The following AXIN1 variants were observed in gnomAD, a reference collection of about 807,000 sequenced individuals.
AXIN1 encodes axin 1.
In AXIN1, 30 loss-of-function variants were observed where a neutral mutation model predicts 76.4. The ratio of observed to expected loss-of-function variants is 0.39; its 90% confidence interval spans 0.29 to 0.53. The LOEUF is 0.53. Ranked by LOEUF, AXIN1 falls within the 20% of genes least tolerant of loss-of-function variation. The probability of loss-of-function intolerance (pLI) is 0.66; values close to 1 mark genes in which losing one functional copy is unlikely to be tolerated. For missense variants in AXIN1, 1,140 were observed against 1,198.8 expected (o/e 0.95, Z 0.72); for synonymous variants, 545 against 501.4 (o/e 1.09, Z -1.16).
rs1168217580 is a variant in AXIN1 at position 289,458 on chromosome 16, G to C, written c.2444C>G (p.Thr815Ser). The C allele has an allele frequency of 6.2e-7, 1 of 1,612,884 alleles. No homozygotes were observed. The highest frequency in any genetic ancestry group is 8.5e-7 in the Non-Finnish European group (1 of 1,179,992). The change falls in exon 10 of 11, where the codon ACC (threonine) becomes AGC (serine). Residue 815 changes from threonine to serine, a missense_variant. Physicochemically the swap from Thr to Ser is moderately conservative, Grantham distance 58 (BLOSUM62 1). Transcript: ENST00000262320. ...CACTCACCTGTAGCTGCCCTTTTTG[G>C]TCAGCAGCTCCTTGAACTGGCCCAG... ...VTLGQFKELL[T>S]KKGSYRYYFK...
At chr16:297,265 T>C in intron 6 of AXIN1, 39 bp from the exon 7 acceptor site, 1 of 1,599,844 alleles carries the variant, frequency 6.3e-7, no homozygotes, top group South Asian at 1.1e-5. Context: ...TGGCCTCCGG[T>C]GGCCGAGGCT....
At chr16:341,715 G>A (rs569212430) in intron 2 of AXIN1, among the ~76,000 whole-genome samples, 1 of 152,266 alleles carries the variant, frequency 6.6e-6, no homozygotes, top group Non-Finnish European at 1.5e-5. Context: ...CCTGATTCTG[G>A]TGGGGACGTG....
chr16:303,358 G>C (rs2052927142), intron 5 of AXIN1, among the ~76,000 whole-genome samples: 1 of 152,042 alleles, frequency 6.6e-6, no homozygotes, highest in South Asian at 2.1e-4. Flanking sequence ...AAGCACACTA[G>C]CAGAACTCTG....
Position 288,077 on chromosome 16 carries a change from C to T in AXIN1, c.*45G>A. 6.2e-7 allele frequency: 1 copy of T among 1,612,242 alleles called. No homozygotes were observed. On this transcript the variant is annotated 3_prime_UTR_variant, in exon 11 of 11. Coordinates refer to ENST00000262320, the MANE Select transcript of AXIN1 (RefSeq NM_003502.4). Reference sequence around the variant, plus strand: ...CATCTGCCTGGCCGTGACACCCGTGCCCGCCAAGGGCCTCGCCTGGCACAG... The same window carrying T: ...CATCTGCCTGGCCGTGACACCCGTGTCCGCCAAGGGCCTCGCCTGGCACAG...
intron 5 of AXIN1, among the ~76,000 whole-genome samples, chr16:300,908 T>C (rs2052851839): frequency 6.6e-6 from 1 of 152,228 alleles, no homozygotes; most frequent in African/African-American, 2.4e-5. Flanking sequence ...ATGTTACAGA[T>C]TAACTTAACC....
chr16:346,697 C>G lies in AXIN1; in HGVS notation c.329G>C (p.Gly110Ala), dbSNP rs2141705995. The G allele has an allele frequency of 6.4e-7, 1 of 1,572,074 alleles. No individual in the cohort carries two copies. Among genetic ancestry groups the G allele is most frequent in the Non-Finnish European group, 8.6e-7 (1 of 1,158,714 alleles). ...CCAGAAGTCCAGCAAGTCGGCACAGCCCTCCTGCTTCAGGAAAGTCCTGAA... is the reference window on the plus strand; with the variant it reads ...CCAGAAGTCCAGCAAGTCGGCACAGGCCTCCTGCTTCAGGAAAGTCCTGAA... ...SLFRTFLKQE[G>A]CADLLDFWFA... The change falls in exon 2 of 11, where the codon GGC becomes GCC. Residue 110 changes from glycine to alanine, a missense_variant. This residue lies in a region of AXIN1 where 708 missense variants were observed against 776.9 expected (regional missense o/e 0.91). Coordinates refer to ENST00000262320, the MANE Select transcript of AXIN1 (RefSeq NM_003502.4).
At chr16:288,425 T>C (rs2052450350) in intron 10 of AXIN1, 177 bp from the exon 11 acceptor site, 2 of 939,124 alleles carry the variant, frequency 2.1e-6, no homozygotes, top group South Asian at 1.5e-5. Flanking sequence ...AATGACCACA[T>C]GTGGGTGAAG....
intron 2 of AXIN1, among the ~76,000 whole-genome samples, chr16:323,436 C>T (rs1567289912): frequency 1.0e-5 from 1 of 95,782 alleles, no homozygotes. Flanking sequence ...GAGACTCCGT[C>T]TCAAAAAAAA....
intron 2 of AXIN1, among the ~76,000 whole-genome samples, chr16:320,741 A>ATTTTTTTTTTTTTTTT (rs1303646861): frequency 1.1e-5 from 1 of 92,080 alleles, no homozygotes; most frequent in African/African-American, 5.6e-5. Flanking sequence ...ATATATATAT[A>ATTTTTTTTTTTTTTTT]TATTTTTTTT....
At chr16:306,895 C>T (rs922950330) in intron 4 of AXIN1, among the ~76,000 whole-genome samples, 5 of 152,192 alleles carry the variant, frequency 3.3e-5, no homozygotes, top group South Asian at 4.1e-4. Context: ...GGATGTGGGC[C>T]GGTGTGTCCG....
chr16:291,347 T>TGGGGA, intron 8 of AXIN1, 50 bp from the exon 9 acceptor site: 1 of 1,481,446 alleles, frequency 6.8e-7, no homozygotes, highest in Non-Finnish European at 9.2e-7. Context: ...CCACCAGCCC[T>TGGGGA]GGGGAGGGAG....
chr16:352,323 C>T, intron 1 of AXIN1, 46 bp downstream of exon 1: 1 of 970,942 alleles, frequency 1.0e-6, no homozygotes, highest in Non-Finnish European at 1.2e-6. Flanking sequence ...TCCCGCCCGC[C>T]CGGCCTACCG....
At chr16:323,192 C>A (rs1396460722) in intron 2 of AXIN1, among the ~76,000 whole-genome samples, 1 of 152,176 alleles carries the variant, frequency 6.6e-6, no homozygotes, top group East Asian at 1.9e-4. Context: ...GTAATCCCAG[C>A]ACTTTGGGAG....
chr16:345,718 A>G (rs1323726216), intron 2 of AXIN1, among the ~76,000 whole-genome samples: 2 of 152,048 alleles, frequency 1.3e-5, no homozygotes, highest in African/African-American at 4.8e-5. Context: ...CCGTCTCAAA[A>G]AAAAAAAAAA....
intron 4 of AXIN1, among the ~76,000 whole-genome samples, chr16:308,846 G>C (rs1421786091): frequency 2.0e-5 from 3 of 152,202 alleles, no homozygotes; most frequent in Non-Finnish European, 2.9e-5. Context: ...GGGTTGGCTG[G>C]CATCTTCTCA....
chr16:348,510 A>T (rs1403850421), intron 1 of AXIN1, among the ~76,000 whole-genome samples: 1 of 152,226 alleles, frequency 6.6e-6, no homozygotes, highest in East Asian at 1.9e-4. Flanking sequence ...AGCACGAAGG[A>T]TCCACAGAGC....
chr16:332,449 C>T lies in AXIN1; in HGVS notation c.878+13699G>A, dbSNP rs370528289. On this transcript the variant is annotated intron_variant, in intron 2 of 10. Transcript: ENST00000262320. ...AAAATTAGCTGGGCGTGGTGGCGGG[C>T]GCCTGTAGTCCCAGCTCTAGGGAGG... Among the ~76,000 whole-genome samples, 17 of 151,690 alleles carry T rather than the reference C, an allele frequency of 1.1e-4. No homozygotes were observed. In the South Asian group the frequency reaches 1.2e-3, roughly 11 times the overall value.
chr16:326,685 G>T (rs1287611762), intron 2 of AXIN1, among the ~76,000 whole-genome samples: 1 of 151,170 alleles, frequency 6.6e-6, no homozygotes, highest in Non-Finnish European at 1.5e-5. Flanking sequence ...GGCGGAGGTT[G>T]CAGTGAGCGA....
chr16:310,045 G>T lies in AXIN1; in HGVS notation c.1044C>A (p.Ile348=), dbSNP rs1345872169. 1 of 1,612,680 alleles carries T rather than the reference G, an allele frequency of 6.2e-7. No individual in the cohort carries two copies. The highest frequency in any genetic ancestry group is 8.5e-7 in the Non-Finnish European group (1 of 1,179,688). The change falls in exon 4 of 11, where the codon ATC becomes ATA. Residue 348 remains isoleucine, a synonymous_variant. Coordinates refer to ENST00000262320, the MANE Select transcript of AXIN1 (RefSeq NM_003502.4). The stretch of plus-strand genomic sequence containing the variant: ...GCATCTCCCTGCGGTGCTGCTTACG[G>T]ATCCTGTATGGGGGGATCCCATCCC... ...SSVDGIPPYR[I]RKQHRREMQE... is the part of the protein sequence containing the mutation.
Sources: gnomAD v4.1 joint callset for allele counts (sites outside exome capture counted in the v4.1 genomes callset) on GRCh38, gnomAD v4.1.1 for gene constraint, gnomAD v4.1.1 regional missense constraint, MANE v1.5 for transcripts, NCBI Gene and HGNC (gene_info 2026-07-23, HGNC 2026-07-21) for gene names.